The following SMARCE1 variants were observed in gnomAD, a reference collection of about 807,000 sequenced individuals.
SMARCE1 encodes the protein SWI/SNF related BAF chromatin remodeling complex subunit E1.
SMARCE1 carries 13 observed loss-of-function variants against 54.9 expected under a neutral mutation model. The observed-to-expected ratio is 0.24, with a 90% CI of 0.15 to 0.38. The LOEUF is 0.38. Among genes scored for constraint, SMARCE1 ranks in the 10% least tolerant of loss-of-function variants. SMARCE1 has a pLI of 1.00. For missense variants in SMARCE1, 295 were observed against 523.8 expected (o/e 0.56, Z 4.26); for synonymous variants, 151 against 175.3 (o/e 0.86, Z 1.10).
intron 10 of SMARCE1, chr17:40,630,250 G>T: frequency 6.5e-7 from 1 of 1,545,140 alleles, no homozygotes; most frequent in Non-Finnish European, 8.8e-7. Context: ...ATACCTAGAA[G>T]TAAGGGTTTT....
At chr17:40,637,044 AAAAAG>A (rs962699948) in intron 5 of SMARCE1, 1 of 159,980 alleles carries the variant, frequency 6.3e-6, no homozygotes, top group African/African-American at 2.4e-5. Context: ...AAAAAAAAAA[AAAAAG>A]GAAAACTTGA....
intron 5 of SMARCE1, 63 bp downstream of exon 5, chr17:40,637,429 G>T: frequency 7.9e-7 from 1 of 1,270,494 alleles, no homozygotes; most frequent in Non-Finnish European, 1.2e-6. Context: ...TCTAAAGTTG[G>T]ATGTTAAGCA....
At position 40,626,881 on chromosome 17, in the gene SMARCE1, T is replaced by G. The variant is rs1426076942; in HGVS notation, c.*1904A>C. On this transcript the variant is annotated 3_prime_UTR_variant, in exon 11 of 11. Transcript: ENST00000348513. The stretch of plus-strand genomic sequence containing the variant: ...CAGATTGAGACGTCTCCCATCTGAC[T>G]TAATTCCCTCATCAACTGATTGCCA... 2 of 40,464 alleles carry G rather than the reference T, an allele frequency of 4.9e-5. No individual in the cohort carries two copies. Among genetic ancestry groups the G allele is most frequent in the Non-Finnish European group, 9.4e-5 (2 of 21,372 alleles). The allele number at this position is 40,464 out of a possible 1,614,324, so 2.5% of individuals were successfully genotyped here. A position where few individuals can be genotyped will look rare whatever the true frequency, so the allele number is the denominator to read the frequency against.
At position 40,642,250 on chromosome 17, in the gene SMARCE1, T is replaced by C; in HGVS notation, c.156+205A>G. 1 of 627,504 alleles carries C rather than the reference T, an allele frequency of 1.6e-6. No homozygotes were observed. Among genetic ancestry groups the C allele is most frequent in the Non-Finnish European group, 2.8e-6 (1 of 355,082 alleles). The allele number at this position is 627,504 out of a possible 1,614,324, so 38.9% of individuals were successfully genotyped here. ...TACCAACCACCAAACAGAATGGATTTTTCTTTTCTTCTATATACATTCCAG... is the reference window on the plus strand; with the variant it reads ...TACCAACCACCAAACAGAATGGATTCTTCTTTTCTTCTATATACATTCCAG... On this transcript the variant is annotated intron_variant, in intron 4 of 10. Coordinates refer to ENST00000348513, the MANE Select transcript of SMARCE1 (RefSeq NM_003079.5). This position sits in a 1 kb window ranked among gnomAD's most constrained non-coding sequence, Gnocchi z 4.6.
Position 40,628,834 on chromosome 17 carries a change from A to G in SMARCE1, c.1187T>C (p.Val396Ala). The change falls in exon 11 of 11, where the codon GTG becomes GCG. Residue 396 changes from valine to alanine, a missense_variant. This residue lies in a region of SMARCE1 where 147 missense variants were observed against 161.4 expected (regional missense o/e 0.91). Transcript: ENST00000348513. ...TATGGGATCTGTTGGTGGCTCCTCCACTGTTGCACTGTTGCTCTCCGAGCC... is the reference window on the plus strand; with the variant it reads ...TATGGGATCTGTTGGTGGCTCCTCCGCTGTTGCACTGTTGCTCTCCGAGCC... ...NTGSESNSAT[V>A]EEPPTDPIPE... is the part of the protein sequence containing the mutation. The G allele has an allele frequency of 6.2e-7, 1 of 1,613,814 alleles. No homozygotes were observed.
chr17:40,646,357 G>A (rs1156918562), intron 1 of SMARCE1, among the ~76,000 whole-genome samples: 1 of 152,186 alleles, frequency 6.6e-6, no homozygotes, highest in East Asian at 1.9e-4. Context: ...TCTTATAATG[G>A]TAAATAGCTT....
rs1395650269 is a variant in SMARCE1, at chr17:40,630,873, C to T, written c.868G>A (p.Ala290Thr). The change falls in exon 10 of 11, where the codon GCA (alanine) becomes ACA (threonine). Residue 290 changes from alanine (A) to threonine (T), a missense_variant. Coordinates refer to ENST00000348513, the MANE Select transcript of SMARCE1 (RefSeq NM_003079.5). ...VDMEKIAAEI[A>T]QAEEQARKRQ... Reference sequence around the variant, plus strand: ...TTGCGGGCCTGTTCCTCTGCCTGTGCAATCTCAGCTGCAATTTTCTCCATA... The same window carrying T: ...TTGCGGGCCTGTTCCTCTGCCTGTGTAATCTCAGCTGCAATTTTCTCCATA... 7 of 1,613,718 alleles carry T rather than the reference C, an allele frequency of 4.3e-6. No homozygotes were observed. Among genetic ancestry groups the T allele is most frequent in the Admixed American group, 1.7e-5 (1 of 59,988 alleles).
chr17:40,637,196 C>T, intron 5 of SMARCE1: 1 of 388,160 alleles, frequency 2.6e-6, no homozygotes, highest in South Asian at 2.6e-5. Flanking sequence ...GTCTTGCAGT[C>T]CTCCTTCACT....
In SMARCE1 at chr17:40,645,272, T is replaced by C. The variant is rs879899709; in HGVS notation, c.51+304A>G. The C allele has an allele frequency of 4.9e-5, 20 of 405,004 alleles. No individual in the cohort carries two copies. The South Asian group carries it at 1.8e-3, about 36-fold the overall frequency. The allele number at this position is 405,004 out of a possible 1,614,324, so 25.1% of individuals were successfully genotyped here. A position where few individuals can be genotyped will look rare whatever the true frequency, so the allele number is the denominator to read the frequency against. ...TCAGTAACAACTTAAAGACTCTTAA[T>C]AGTGAAGATTAATAAGAAAGAAATG... On this transcript the variant is annotated intron_variant, in intron 3 of 10. Transcript: ENST00000348513.
At chr17:40,629,515 T>C (rs2037069094) in intron 10 of SMARCE1, 11 of 1,224,042 alleles carry the variant, frequency 9.0e-6, no homozygotes, top group East Asian at 3.2e-5. Flanking sequence ...GTTGTAGAAA[T>C]AATATAAGGT....
intron 10 of SMARCE1, chr17:40,629,543 T>G: frequency 4.9e-6 from 6 of 1,224,292 alleles, no homozygotes; most frequent in Non-Finnish European, 6.1e-6. Flanking sequence ...TTAGACACTT[T>G]GTTTAAAGTC....
chr17:40,630,951 A>G, intron 9 of SMARCE1, 27 bp from the exon 10 acceptor site: 2 of 1,576,382 alleles, frequency 1.3e-6, no homozygotes. Flanking sequence ...AGAACTCCGT[A>G]ATGTTTTTTC....
chr17:40,629,933 A>G (rs2037072938), intron 10 of SMARCE1: 2 of 349,180 alleles, frequency 5.7e-6, no homozygotes, highest in Non-Finnish European at 1.0e-5. Context: ...AATACCTGGT[A>G]AAGATATCTA....
At chr17:40,631,762 C>G (rs769187273) in intron 8 of SMARCE1, 69 bp from the exon 9 acceptor site, 2 of 851,410 alleles carry the variant, frequency 2.3e-6, no homozygotes, top group Non-Finnish European at 3.9e-6. Context: ...AAACAGTGTA[C>G]CAAATAATGT....
Position 40,637,522 on chromosome 17 carries a change from C to A in SMARCE1, c.207G>T (p.Pro69=), listed in dbSNP as rs373563447. ...TGCTGTACCTCATGTAGGGCATCAGCGGCTTATCTGGTGGCTTTGGGGGTT... is the reference window on the plus strand; with the variant it reads ...TGCTGTACCTCATGTAGGGCATCAGAGGCTTATCTGGTGGCTTTGGGGGTT... ...IPKPPKPPDK[P]LMPYMRYSRK... Residue 69 remains proline, a synonymous_variant, in exon 5 of 11, where the codon CCG becomes CCT. Coordinates refer to ENST00000348513, the MANE Select transcript of SMARCE1 (RefSeq NM_003079.5). The A allele has an allele frequency of 1.2e-6, 2 of 1,613,512 alleles. No individual in the cohort carries two copies. The highest frequency in any genetic ancestry group is 2.2e-5 in the East Asian group (1 of 44,872).
chr17:40,639,705 A>G lies in SMARCE1; in HGVS notation c.157-2133T>C, dbSNP rs548652354. On this transcript the variant is annotated intron_variant, in intron 4 of 10. Coordinates refer to ENST00000348513, the MANE Select transcript of SMARCE1 (RefSeq NM_003079.5). The stretch of plus-strand genomic sequence containing the variant: ...ATTCCAGATGGTTTTCAGGATAGTA[A>G]AGATTTATATCATTACACACCTCCA... Among the ~76,000 whole-genome samples, 10 of 152,330 alleles carry G rather than the reference A, an allele frequency of 6.6e-5. No individual in the cohort carries two copies. The East Asian group carries it at 1.7e-3, about 26-fold the overall frequency.
At chr17:40,636,274 T>C in intron 6 of SMARCE1, 121 bp downstream of exon 6, 2 of 1,209,734 alleles carry the variant, frequency 1.7e-6, no homozygotes, top group South Asian at 1.4e-5. Flanking sequence ...TTGACTCAGG[T>C]AGACAGAGCC....
intron 9 of SMARCE1, 113 bp downstream of exon 9, chr17:40,631,479 C>T: frequency 3.3e-6 from 2 of 609,612 alleles, no homozygotes; most frequent in Non-Finnish European, 5.7e-6. Flanking sequence ...TAAAGTTAGC[C>T]CTGTTTCAAA....
chr17:40,627,218 G>T lies in SMARCE1; in HGVS notation c.*1567C>A, dbSNP rs971617122. 20 of 152,194 alleles carry T rather than the reference G, an allele frequency of 1.3e-4. No individual in the cohort carries two copies. The highest frequency in any genetic ancestry group is 4.1e-4 in the African/African-American group (17 of 41,446). 9.4% of individuals were successfully genotyped at this position (152,194 alleles called of 1,614,324 possible). A position where few individuals can be genotyped will look rare whatever the true frequency, so the allele number is the denominator to read the frequency against. ...TGACACACAAGGAAACAGATGTCAAGAGTTGTTTCCACCCAGTATCAAGCT... is the reference window on the plus strand; with the variant it reads ...TGACACACAAGGAAACAGATGTCAATAGTTGTTTCCACCCAGTATCAAGCT... On this transcript the variant is annotated 3_prime_UTR_variant, in exon 11 of 11. Transcript: ENST00000348513.
Sources: allele counts gnomAD v4.1 joint callset (sites outside exome capture counted in the v4.1 genomes callset), GRCh38; gene constraint gnomAD v4.1.1; regional missense constraint gnomAD v4.1.1; non-coding constraint Gnocchi (gnomAD v3.1); transcripts MANE v1.5; gene names NCBI Gene and HGNC (gene_info 2026-07-23, HGNC 2026-07-21).